Variants in AKAP13 observed in about 807,000 individuals in gnomAD.
AKAP13 encodes the protein A-kinase anchor protein 13.
Under a neutral mutation model 264.5 loss-of-function variants are expected in AKAP13, and 80 were observed. The observed-to-expected ratio is 0.30, with a 90% CI of 0.25 to 0.36. AKAP13 has a LOEUF of 0.36. Among genes scored for constraint, AKAP13 ranks in the 10% least tolerant of loss-of-function variants. AKAP13 has a pLI of 1.00. For synonymous variants in AKAP13, 1,380 were observed against 1,250.2 expected (o/e 1.10, Z -2.19); for missense variants, 3,712 against 3,435.2 (o/e 1.08, Z -2.01).
intron 1 of AKAP13, among the ~76,000 whole-genome samples, chr15:85,440,798 A>G (rs4842881): frequency 0.97 from 147,657 of 152,288 alleles, 71,648 homozygotes; most frequent in African/African-American, 0.99. Context: ...CTTTTTTCTC[A>G]CCTCTACCAA....
intron 3 of AKAP13, among the ~76,000 whole-genome samples, chr15:85,525,818 A>G (rs1394161365): frequency 6.6e-6 from 1 of 152,194 alleles, no homozygotes; most frequent in African/African-American, 2.4e-5. Context: ...GGATGGGGGC[A>G]TAGAGTACTG....
intron 36 of AKAP13, 57 bp downstream of exon 36, chr15:85,743,882 G>C (rs1164623595): frequency 1.3e-6 from 2 of 1,536,198 alleles, no homozygotes; most frequent in Non-Finnish European, 1.7e-6. Context: ...TTCTGAGAGA[G>C]GGTAGATTTT....
chr15:85,442,843 G>C (rs1256122674), intron 1 of AKAP13, among the ~76,000 whole-genome samples: 1 of 151,950 alleles, frequency 6.6e-6, no homozygotes, highest in Non-Finnish European at 1.5e-5. Context: ...CTCTTGAGAA[G>C]GGAAAAGGAT....
Position 85,663,444 on chromosome 15 carries a change from T to C in AKAP13, c.4800-1119T>C, listed in dbSNP as rs371176741. Among the ~76,000 whole-genome samples the C allele has an allele frequency of 5.3e-5, 8 of 152,182 alleles. No individual in the cohort carries two copies. In the East Asian group the frequency reaches 1.2e-3, roughly 22 times the overall value. On this transcript the variant is annotated intron_variant, in intron 12 of 36. Coordinates refer to ENST00000394518, the MANE Select transcript of AKAP13 (RefSeq NM_007200.5). ...TTACCTACTAGAGAAAATAGAGTTATATGGCTTCAGTTCGTTAAGTTATTT... is the reference window on the plus strand; with the variant it reads ...TTACCTACTAGAGAAAATAGAGTTACATGGCTTCAGTTCGTTAAGTTATTT...
chr15:85,381,608 A>T (rs2070275057), intron 1 of AKAP13: 1 of 149,694 alleles, frequency 6.7e-6, no homozygotes, highest in African/African-American at 2.5e-5. Context: ...AAAAAAATCA[A>T]GAAAGGGGGT....
rs918495904 is a variant in AKAP13, at chr15:85,716,030, A to G, written c.5735+107A>G. 4 of 1,396,894 alleles carry G rather than the reference A, an allele frequency of 2.9e-6. No homozygotes were observed. The African/African-American group carries it at 6.0e-5, about 21-fold the overall frequency. The allele number at this position is 1,396,894 out of a possible 1,614,324, so 86.5% of individuals were successfully genotyped here. A position where few individuals can be genotyped will look rare whatever the true frequency, so the allele number is the denominator to read the frequency against. ...TTTTTTTTTTTTAAGAAATAAATCT[A>G]TAAGGTCATGGGTTGGTGCAGACAA... On this transcript the variant is annotated intron_variant, in intron 20 of 36. Coordinates refer to ENST00000394518, the MANE Select transcript of AKAP13 (RefSeq NM_007200.5).
At chr15:85,661,914 A>AC (rs1007901550) in intron 12 of AKAP13, among the ~76,000 whole-genome samples, 1 of 151,896 alleles carries the variant, frequency 6.6e-6, no homozygotes, top group Non-Finnish European at 1.5e-5. Flanking sequence ...AAAAAAAAAA[A>AC]AAAAACCGGA....
intron 31 of AKAP13, 34 bp from the exon 32 acceptor site, chr15:85,735,525 CT>C (rs2151764603): frequency 1.6e-5 from 25 of 1,565,364 alleles, no homozygotes; most frequent in Admixed American, 1.9e-5. Context: ...TGTTTCACAA[CT>C]TTAAAAAAAA....
chr15:85,577,334 GC>G (rs56319784), intron 6 of AKAP13, among the ~76,000 whole-genome samples: 1 of 23,012 alleles, frequency 4.3e-5, no homozygotes, highest in South Asian at 1.0e-3. Flanking sequence ...TGAATGAATG[GC>G]GAGCAAACCA....
chr15:85,690,657 T>C (rs1272328774), intron 16 of AKAP13, among the ~76,000 whole-genome samples: 1 of 152,214 alleles, frequency 6.6e-6, no homozygotes, highest in African/African-American at 2.4e-5. Flanking sequence ...TACCATTTCA[T>C]TACAGTGGTT....
intron 8 of AKAP13, chr15:85,619,876 A>G: frequency 1.4e-6 from 2 of 1,400,452 alleles, no homozygotes; most frequent in Non-Finnish European, 9.3e-7. Flanking sequence ...GTTATCAGCA[A>G]GTTCTCAGTC....
chr15:85,427,586 T>C lies in AKAP13; in HGVS notation c.-12+46788T>C, dbSNP rs559122883. ...TTTGGTAAATGCTAGACTGTAGTTT[T>C]AAAACTGGAAGAAACCGTTGAAAGT... On this transcript the variant is annotated intron_variant, in intron 1 of 36. Coordinates refer to ENST00000394518, the MANE Select transcript of AKAP13 (RefSeq NM_007200.5). Among the ~76,000 whole-genome samples, 15 of 152,320 alleles carry C rather than the reference T, an allele frequency of 9.8e-5. No homozygotes were observed. In the South Asian group the frequency reaches 3.1e-3, roughly 32 times the overall value.
At chr15:85,635,723 A>G (rs1056250007) in intron 8 of AKAP13, among the ~76,000 whole-genome samples, 1 of 152,108 alleles carries the variant, frequency 6.6e-6, no homozygotes, top group African/African-American at 2.4e-5. Flanking sequence ...TTCTGAGTTC[A>G]TTTTTATAGG....
intron 11 of AKAP13, among the ~76,000 whole-genome samples, chr15:85,658,127 C>T (rs1166503726): frequency 6.6e-6 from 1 of 152,066 alleles, no homozygotes; most frequent in Non-Finnish European, 1.5e-5. Flanking sequence ...GACCACTGTC[C>T]TAATACCTCT....
At chr15:85,494,988 T>C (rs2075831470) in intron 2 of AKAP13, among the ~76,000 whole-genome samples, 1 of 152,116 alleles carries the variant, frequency 6.6e-6, no homozygotes, top group Non-Finnish European at 1.5e-5. Flanking sequence ...TATAGGTACA[T>C]TGGAAAATAG....
chr15:85,430,733 A>G (rs796284292), intron 1 of AKAP13, among the ~76,000 whole-genome samples: 29 of 152,224 alleles, frequency 1.9e-4, no homozygotes, highest in African/African-American at 7.0e-4. Context: ...TTGAATACCT[A>G]CCATATACGG....
intron 17 of AKAP13, among the ~76,000 whole-genome samples, chr15:85,703,579 C>T (rs945978515): frequency 5.3e-5 from 8 of 152,188 alleles, no homozygotes; most frequent in African/African-American, 1.9e-4. Flanking sequence ...CCGTGGCTCA[C>T]GCCTGTGATC....
chr15:85,402,420 G>C (rs1230255533), intron 1 of AKAP13, among the ~76,000 whole-genome samples: 1 of 152,146 alleles, frequency 6.6e-6, no homozygotes, highest in African/African-American at 2.4e-5. Flanking sequence ...TTTGTTCTTG[G>C]TATAAGTCTT....
At chr15:85,686,456 A>G (rs768029793) in intron 16 of AKAP13, among the ~76,000 whole-genome samples, 2 of 152,120 alleles carry the variant, frequency 1.3e-5, no homozygotes, top group Non-Finnish European at 2.9e-5. Context: ...TTTTCCACCA[A>G]ACGTGCCACA....
Sources: gnomAD v4.1 joint callset for allele counts (sites outside exome capture counted in the v4.1 genomes callset) on GRCh38, gnomAD v4.1.1 for gene constraint, MANE v1.5 for transcripts, NCBI Gene and HGNC (gene_info 2026-07-23, HGNC 2026-07-21) for gene names.